The following CPQ variants were observed in gnomAD, a reference collection of about 807,000 sequenced individuals.
The protein encoded by CPQ is Ser-Met dipeptidase.
Under a neutral mutation model 45.7 loss-of-function variants are expected in CPQ, and 37 were observed. The observed-to-expected ratio is 0.81, with a 90% CI of 0.62 to 1.07. CPQ has a LOEUF of 1.07. Ranked by LOEUF, CPQ falls within the 50% of genes least tolerant of loss-of-function variation. CPQ has a pLI of 0.00. For synonymous variants in CPQ, 186 were observed against 205.8 expected (o/e 0.90, Z 0.82); for missense variants, 537 against 572.9 (o/e 0.94, Z 0.64).
intron 1 of CPQ, among the ~76,000 whole-genome samples, chr8:96,729,855 T>TTGTG (rs142087422): frequency 2.0e-5 from 3 of 151,638 alleles, no homozygotes; most frequent in South Asian, 2.1e-4. Context: ...GTGTGTGTGT[T>TTGTG]TGTGTGTGTG....
intron 7 of CPQ, among the ~76,000 whole-genome samples, chr8:97,118,273 G>A (rs1811629862): frequency 6.6e-6 from 1 of 152,092 alleles, no homozygotes; most frequent in Non-Finnish European, 1.5e-5. Context: ...TGATGTGAAA[G>A]GATCTAAGAC....
chr8:97,057,507 A>T (rs902506824), intron 6 of CPQ, among the ~76,000 whole-genome samples: 12 of 152,212 alleles, frequency 7.9e-5, no homozygotes, highest in African/African-American at 2.9e-4. Context: ...GCTCAGTAAT[A>T]CATCAATCAC....
At chr8:96,807,258 C>T (rs897708420) in intron 2 of CPQ, among the ~76,000 whole-genome samples, 6 of 151,704 alleles carry the variant, frequency 4.0e-5, no homozygotes, top group African/African-American at 1.2e-4. Context: ...TTTTTTGAGA[C>T]GGAGTCTCGC....
chr8:96,704,087 T>C (rs113911370), intron 1 of CPQ, among the ~76,000 whole-genome samples: 3,650 of 152,270 alleles, frequency 0.024, 160 homozygotes, highest in African/African-American at 0.083. Context: ...ACTGGGGATA[T>C]AGCAGTAAGA....
At chr8:96,670,143 T>C (rs191111194) in intron 1 of CPQ, among the ~76,000 whole-genome samples, 302 of 152,260 alleles carry the variant, frequency 2.0e-3, no homozygotes, top group Admixed American at 3.1e-3. Context: ...GTACTATGCT[T>C]GAGGCCATTT....
chr8:96,670,310 ATTTTTTTTTTTTT>A (rs76070257), intron 1 of CPQ, among the ~76,000 whole-genome samples: 9 of 143,996 alleles, frequency 6.3e-5, no homozygotes, highest in East Asian at 4.2e-4. Flanking sequence ...GAGTGACTCA[ATTTTTTTTTTTTT>A]TTTTTTTTTT....
chr8:96,671,648 A>T (rs1470406512), intron 1 of CPQ, among the ~76,000 whole-genome samples: 1 of 152,190 alleles, frequency 6.6e-6, no homozygotes, highest in East Asian at 1.9e-4. Flanking sequence ...CTTCCAAGTA[A>T]TTCTAGGGCT....
At chr8:96,831,040 G>A (rs1811451833) in intron 2 of CPQ, among the ~76,000 whole-genome samples, 1 of 152,134 alleles carries the variant, frequency 6.6e-6, no homozygotes, top group African/African-American at 2.4e-5. Context: ...ACTTTGCAGA[G>A]TTGCTGTGAA....
In CPQ at chr8:96,646,785, G is replaced by T. The variant is rs559458321; in HGVS notation, c.-35+1383G>T. Among the ~76,000 whole-genome samples, 27 of 152,328 alleles carry T rather than the reference G, an allele frequency of 1.8e-4. No homozygotes were observed. The South Asian group carries it at 5.2e-3, about 29-fold the overall frequency. The stretch of plus-strand genomic sequence containing the variant: ...AGGGTTAGAAGGTGAAATTACAGAT[G>T]ATTTCATGGAGTTCTGCTTACTTCA... On this transcript the variant is annotated intron_variant, in intron 1 of 7. Transcript: ENST00000220763.
chr8:96,949,772 T>G (rs1398873711), intron 4 of CPQ, among the ~76,000 whole-genome samples: 1 of 152,120 alleles, frequency 6.6e-6, no homozygotes, highest in East Asian at 1.9e-4. Context: ...AATTTTAGAT[T>G]CTCTTATCCT....
chr8:96,807,616 C>A (rs1811101867), intron 2 of CPQ, among the ~76,000 whole-genome samples: 1 of 152,204 alleles, frequency 6.6e-6, no homozygotes, highest in African/African-American at 2.4e-5. Context: ...CCTTTTACAC[C>A]TGCATGGTAA....
intron 6 of CPQ, among the ~76,000 whole-genome samples, chr8:97,036,352 A>G (rs1160487103): frequency 1.3e-5 from 2 of 152,182 alleles, no homozygotes; most frequent in Non-Finnish European, 2.9e-5. Context: ...TTCTTTATTG[A>G]TAAATTACAT....
At chr8:96,834,580 AT>A (rs1246165398) in intron 2 of CPQ, among the ~76,000 whole-genome samples, 3 of 152,184 alleles carry the variant, frequency 2.0e-5, no homozygotes, top group African/African-American at 7.2e-5. Flanking sequence ...AAAGATTAAT[AT>A]GTGTTTCATT....
chr8:96,851,470 G>C (rs1811770112), intron 3 of CPQ, among the ~76,000 whole-genome samples: 1 of 152,150 alleles, frequency 6.6e-6, no homozygotes, highest in South Asian at 2.1e-4. Context: ...TCTGTTGTCT[G>C]GCAAGGGCTG....
At chr8:96,791,685 G>A (rs190872676) in intron 2 of CPQ, among the ~76,000 whole-genome samples, 31 of 152,208 alleles carry the variant, frequency 2.0e-4, no homozygotes, top group Admixed American at 1.9e-3. Context: ...GTGTGGAAAA[G>A]TCCCACAGGA....
intron 4 of CPQ, among the ~76,000 whole-genome samples, chr8:96,924,970 A>AT (rs1281611709): frequency 6.6e-6 from 1 of 152,206 alleles, no homozygotes; most frequent in Non-Finnish European, 1.5e-5. Flanking sequence ...TCTGCTCCAC[A>AT]TATCACTGGG....
intron 7 of CPQ, among the ~76,000 whole-genome samples, chr8:97,130,430 T>G (rs895522676): frequency 6.0e-4 from 91 of 151,476 alleles, no homozygotes; most frequent in African/African-American, 2.1e-3. Context: ...GTTTTTTTTT[T>G]TTTTTTTTTT....
intron 7 of CPQ, among the ~76,000 whole-genome samples, chr8:97,117,406 T>G (rs1708903053): frequency 6.6e-6 from 1 of 152,242 alleles, no homozygotes; most frequent in Non-Finnish European, 1.5e-5. Flanking sequence ...AAGTTCTATA[T>G]TCTAGGAAAC....
In CPQ at chr8:96,834,975, A is replaced by G. The variant is rs189006364; in HGVS notation, c.436A>G (p.Ile146Val). The G allele has an allele frequency of 1.7e-4, 280 of 1,611,616 alleles. 2 individuals carry two copies. In the East Asian group the frequency reaches 6.1e-3, roughly 35 times the overall value. Residue 146 changes from isoleucine to valine, a missense_variant and splice_region_variant, in exon 3 of 8, where the codon ATT becomes GTT. Transcript: ENST00000220763. Reference sequence around the variant, plus strand: ...TCTTGCATGACTTTTATTTCTAGGCATTACAGCAGAAGTTCTGGTGGTGAC... The same window carrying G: ...TCTTGCATGACTTTTATTTCTAGGCGTTACAGCAGAAGTTCTGGTGGTGAC... The part of the protein sequence containing the change: ...GSSIGTPPEG[I>V]TAEVLVVTSF...
Sources: allele counts gnomAD v4.1 joint callset (sites outside exome capture counted in the v4.1 genomes callset), GRCh38; gene constraint gnomAD v4.1.1; transcripts MANE v1.5; gene names NCBI Gene and HGNC (gene_info 2026-07-23, HGNC 2026-07-21).